CTNNA2: variants seen among roughly 807,000 people sequenced by gnomAD.
CTNNA2 encodes catenin alpha-2.
Under a neutral mutation model 101.0 loss-of-function variants are expected in CTNNA2, and 42 were observed. The ratio of observed to expected loss-of-function variants is 0.42; its 90% confidence interval spans 0.32 to 0.54. The LOEUF (loss-of-function observed/expected upper bound fraction) is 0.54, where lower values mean the gene tolerates loss of function less well. Among genes scored for constraint, CTNNA2 ranks in the 20% least tolerant of loss-of-function variants. CTNNA2 has a pLI of 0.14. For synonymous variants in CTNNA2, 450 were observed against 456.4 expected, an observed-to-expected ratio of 0.99 and a Z score of 0.18; for missense variants, 871 against 1,223.1, an observed-to-expected ratio of 0.71 and a Z score of 4.29.
Position 80,512,357 on chromosome 2 carries a change from A to C in CTNNA2, c.1291-32625A>C, listed in dbSNP as rs574388439. The stretch of plus-strand genomic sequence containing the variant: ...TGGAACCTTATGTGCTGGGTAGTTC[A>C]CAAAAGCAGATATAAAAATAAAACT... On this transcript the variant is annotated intron_variant, in intron 9 of 18. Coordinates refer to ENST00000402739, the MANE Select transcript of CTNNA2 (RefSeq NM_001282597.3). Among the ~76,000 whole-genome samples the C allele has an allele frequency of 3.9e-5, 6 of 152,256 alleles. 1 individual carries two copies. In the East Asian group the frequency reaches 5.8e-4, roughly 15 times the overall value.
At chr2:80,157,822 C>G (rs1558861062) in intron 7 of CTNNA2, among the ~76,000 whole-genome samples, 1 of 152,058 alleles carries the variant, frequency 6.6e-6, no homozygotes, top group African/African-American at 2.4e-5. Flanking sequence ...TTCCACACTT[C>G]AGTTCTGCAA....
At chr2:80,213,332 CT>C (rs1708029820) in intron 7 of CTNNA2, among the ~76,000 whole-genome samples, 1 of 152,092 alleles carries the variant, frequency 6.6e-6, no homozygotes, top group Non-Finnish European at 1.5e-5. Flanking sequence ...ATCTTTCCTG[CT>C]TTCTCTTGTG....
intron 9 of CTNNA2, among the ~76,000 whole-genome samples, chr2:80,476,627 A>G (rs1162914733): frequency 6.6e-6 from 1 of 152,186 alleles, no homozygotes; most frequent in African/African-American, 2.4e-5. Flanking sequence ...TCTATTTATA[A>G]GAAGTGAAAC....
chr2:80,522,206 A>G (rs1689621621), intron 9 of CTNNA2, among the ~76,000 whole-genome samples: 1 of 152,170 alleles, frequency 6.6e-6, no homozygotes, highest in Non-Finnish European at 1.5e-5. Flanking sequence ...TTGCAGAGAG[A>G]GTCAGCTCTG....
At chr2:79,384,689 G>T (rs1185616257) in intron 4 of CTNNA2, among the ~76,000 whole-genome samples, 1 of 152,102 alleles carries the variant, frequency 6.6e-6, no homozygotes, top group Non-Finnish European at 1.5e-5. Flanking sequence ...TCCTTCACTT[G>T]CTCTGCACTC....
intron 7 of CTNNA2, among the ~76,000 whole-genome samples, chr2:79,928,018 G>C (rs1009882397): frequency 1.3e-5 from 2 of 152,116 alleles, no homozygotes; most frequent in Non-Finnish European, 2.9e-5. Flanking sequence ...GTGGGAAAAA[G>C]GTTGGCCTTA....
At chr2:79,875,712 C>G (rs909253693) in intron 6 of CTNNA2, among the ~76,000 whole-genome samples, 2 of 151,910 alleles carry the variant, frequency 1.3e-5, no homozygotes, top group African/African-American at 4.8e-5. Context: ...GTATCTCACA[C>G]CATATATTAT....
At chr2:80,556,592 A>G (rs1693057287) in intron 12 of CTNNA2, among the ~76,000 whole-genome samples, 1 of 152,200 alleles carries the variant, frequency 6.6e-6, no homozygotes. Flanking sequence ...GGGTAAAAAA[A>G]AATGCTTCCA....
rs114001864 is a variant in CTNNA2 at position 80,087,439 on chromosome 2, G to A, written c.1056+177642G>A. On this transcript the variant is annotated intron_variant, in intron 7 of 18. Transcript: ENST00000402739. ...AAGGAAACGGGTCAAACCAGAAAGT[G>A]TAACAGCTTAATCCATAAGCAGGTA... Among the ~76,000 whole-genome samples the A allele has an allele frequency of 1.5e-3, 232 of 152,172 alleles. 1 individual carries two copies. The highest frequency in any genetic ancestry group is 2.3e-3 in the Non-Finnish European group (153 of 67,952).
chr2:79,402,137 A>T (rs1033535539), intron 4 of CTNNA2, among the ~76,000 whole-genome samples: 6 of 151,852 alleles, frequency 4.0e-5, no homozygotes, highest in Admixed American at 6.6e-5. Flanking sequence ...TCCACCTAGC[A>T]AAAGAGTCCA....
At chr2:79,757,713 T>C (rs7580576) in intron 3 of CTNNA2, among the ~76,000 whole-genome samples, 72,982 of 151,950 alleles carry the variant, frequency 0.48, 20,106 homozygotes, top group East Asian at 0.79. Context: ...GGGTGGGGCT[T>C]GCTTTGCAGT....
intron 18 of CTNNA2, among the ~76,000 whole-genome samples, chr2:80,620,798 G>T (rs936870630): frequency 6.6e-6 from 1 of 151,844 alleles, no homozygotes; most frequent in Non-Finnish European, 1.5e-5. Flanking sequence ...TCATACAGCT[G>T]CCAGGTAAGA....
At chr2:79,475,447 T>G (rs947761544) in intron 4 of CTNNA2, among the ~76,000 whole-genome samples, 1 of 152,212 alleles carries the variant, frequency 6.6e-6, no homozygotes, top group African/African-American at 2.4e-5. Context: ...AGTATTCTTA[T>G]TTAATGAACG....
intron 9 of CTNNA2, among the ~76,000 whole-genome samples, chr2:80,437,270 G>T (rs576362978): frequency 6.6e-6 from 1 of 152,210 alleles, no homozygotes; most frequent in South Asian, 2.1e-4. Flanking sequence ...TTGGAGATTC[G>T]CAACGTACTT....
chr2:80,011,392 A>G (rs389426), intron 7 of CTNNA2, among the ~76,000 whole-genome samples: 85,288 of 152,036 alleles, frequency 0.56, 26,296 homozygotes, highest in East Asian at 0.76. Flanking sequence ...GGCTTGGCCC[A>G]TAACTGTTTG....
chr2:80,601,487 TGA>T, intron 15 of CTNNA2: 1 of 146,172 alleles, frequency 6.8e-6, no homozygotes, highest in Non-Finnish European at 1.5e-5. Flanking sequence ...CAGACTGTTT[TGA>T]TTTTTCAGAA....
At chr2:80,105,683 T>C (rs968716507) in intron 7 of CTNNA2, among the ~76,000 whole-genome samples, 3 of 151,892 alleles carry the variant, frequency 2.0e-5, no homozygotes, top group Non-Finnish European at 2.9e-5. Flanking sequence ...TGAGCCATGA[T>C]CGATCATGCC....
At chr2:79,551,417 G>A (rs1170223849) in intron 1 of CTNNA2, among the ~76,000 whole-genome samples, 1 of 152,094 alleles carries the variant, frequency 6.6e-6, no homozygotes, top group African/African-American at 2.4e-5. Context: ...GGGTGCTCAG[G>A]GAATTACATT....
chr2:79,966,947 T>C (rs1160632765), intron 7 of CTNNA2, among the ~76,000 whole-genome samples: 1 of 152,106 alleles, frequency 6.6e-6, no homozygotes, highest in Non-Finnish European at 1.5e-5. Flanking sequence ...CTCCTGATTC[T>C]AAAATTCGCA....
Sources: gnomAD v4.1 joint callset for allele counts (sites outside exome capture counted in the v4.1 genomes callset) on GRCh38, gnomAD v4.1.1 for gene constraint, MANE v1.5 for transcripts, NCBI Gene and HGNC (gene_info 2026-07-23, HGNC 2026-07-21) for gene names.